Variants in MYH7 observed in about 807,000 individuals in gnomAD.
MYH7 encodes myosin-7.
MYH7 carries 129 observed loss-of-function variants against 225.4 expected under a neutral mutation model. The observed-to-expected ratio is 0.57, with a 90% confidence interval of 0.50 to 0.66. The LOEUF (loss-of-function observed/expected upper bound fraction) is 0.66, where lower values mean the gene tolerates loss of function less well. Among genes scored for constraint, MYH7 ranks in the 30% least tolerant of loss-of-function variants. MYH7 has a pLI of 0.00. For missense variants in MYH7, 1,649 were observed against 2,517.0 expected, an observed-to-expected ratio of 0.66 and a Z score of 7.38; for synonymous variants, 971 against 1,007.6, an observed-to-expected ratio of 0.96 and a Z score of 0.69.
At position 23,433,857 on chromosome 14, in the gene MYH7, G is replaced by A; in HGVS notation, c.-8-117C>T. 9.9e-7 allele frequency: 1 copy of A among 1,008,152 alleles called. No individual in the cohort carries two copies. Among genetic ancestry groups the A allele is most frequent in the Non-Finnish European group, 1.5e-6 (1 of 665,570 alleles). The allele number at this position is 1,008,152 out of a possible 1,614,324, so 62.5% of individuals were successfully genotyped here. A position where few individuals can be genotyped will look rare whatever the true frequency, so the allele number is the denominator to read the frequency against. On this transcript the variant is annotated intron_variant, in intron 2 of 39. Transcript: ENST00000355349. The surrounding 1 kb of genome is among the most constrained non-coding windows in gnomAD (Gnocchi z 4.1). ...GCACCATGCTCAAGAGTCAAGAGGA[G>A]TTACCAGTGAGTCCCTTCCTCTTTG...
intron 6 of MYH7, 36 bp from the exon 7 acceptor site, chr14:23,431,905 A>T: frequency 6.3e-7 from 1 of 1,596,420 alleles, no homozygotes. Context: ...AGTGAACAAT[A>T]CTACTGGAGA....
In MYH7 at chr14:23,429,784, C is replaced by T. The variant is rs773599095; in HGVS notation, c.1129G>A (p.Gly377Ser). The T allele has an allele frequency of 1.7e-5, 28 of 1,612,646 alleles. No homozygotes were observed. The highest frequency in any genetic ancestry group is 1.6e-4 in the South Asian group (15 of 91,002). ...AATCCCTGCCTCCCACCTTCAGTGC[C>T]GTCTGGCTCCGCCTGCTCCTCCCGC... Reference protein sequence around the residue: ...KQREEQAEPDGTEEADKSAYL... With the variant: ...KQREEQAEPDSTEEADKSAYL... The change falls in exon 12 of 40, where the codon GGC becomes AGC. Residue 377 changes from glycine (G) to serine (S), a missense_variant. Gly to Ser is a moderately conservative substitution (Grantham distance 56, BLOSUM62 0). Around this residue, in one of 12 missense-constraint regions of MYH7, gnomAD observed 131 missense variants for 231.3 expected, o/e 0.57. Coordinates refer to ENST00000355349, the MANE Select transcript of MYH7 (RefSeq NM_000257.4).
At chr14:23,432,422 G>T in intron 6 of MYH7, 57 bp downstream of exon 6, 1 of 1,606,200 alleles carries the variant, frequency 6.2e-7, no homozygotes, top group Non-Finnish European at 8.5e-7. Context: ...ACCTGATGGG[G>T]CTGGAGGCTG....
In MYH7 at chr14:23,426,780, G is replaced by A. The variant is rs1566533236; in HGVS notation, c.2041C>T (p.Pro681Ser). 6.2e-7 allele frequency: 1 copy of A among 1,614,136 alleles called. No individual in the cohort carries two copies. The highest frequency in any genetic ancestry group is 8.5e-7 in the Non-Finnish European group (1 of 1,179,984). Residue 681 changes from proline to serine, a missense_variant, in exon 18 of 40, where the codon CCA becomes TCA. By Grantham distance (74) the Pro-to-Ser change is moderately conservative. Transcript: ENST00000355349. Reference sequence around the variant, plus strand: ...TGGCCTGAGTTTGTGGCCTCACCTGGAGACTTTGTCTCATTAGGGATGATA... The same window carrying A: ...TGGCCTGAGTTTGTGGCCTCACCTGAAGACTTTGTCTCATTAGGGATGATA... The part of the protein sequence containing the change: ...RCIIPNETKS[P>S]GVMDNPLVMH...
rs1231491268 is a variant in MYH7, at chr14:23,429,928, CA to C, written c.1000-16del. 1 of 1,613,684 alleles carries C rather than the reference CA, an allele frequency of 6.2e-7. No individual in the cohort carries two copies. Among genetic ancestry groups the C allele is most frequent in the Non-Finnish European group, 8.5e-7 (1 of 1,179,998 alleles). On this transcript the variant is annotated splice_polypyrimidine_tract_variant and intron_variant, in intron 11 of 39. Coordinates refer to ENST00000355349, the MANE Select transcript of MYH7 (RefSeq NM_000257.4). ...TCAAAAGCGTTCTGTAGGGAGGCCC[CA>C]TATTGGCGGACCCCAGAAAAAGAAG...
Position 23,433,249 on chromosome 14 carries a change from C to G in MYH7, c.202-22G>C. ...CTGTCTGCAAGAGCCCCCACCCAAG[C>G]CCTCCTGTCAGCCTGGGCTTTCCCT... is the stretch of plus-strand genomic sequence containing the variant. On this transcript the variant is annotated intron_variant, in intron 3 of 39. Coordinates refer to ENST00000355349, the MANE Select transcript of MYH7 (RefSeq NM_000257.4). This position sits in a 1 kb window ranked among gnomAD's most constrained non-coding sequence, Gnocchi z 4.1. 6.2e-7 allele frequency: 1 copy of G among 1,614,142 alleles called. No homozygotes were observed. The highest frequency in any genetic ancestry group is 8.5e-7 in the Non-Finnish European group (1 of 1,180,010).
Position 23,423,524 on chromosome 14 carries a change from C to T in MYH7, c.3099+23G>A. On this transcript the variant is annotated intron_variant, in intron 24 of 39. Coordinates refer to ENST00000355349, the MANE Select transcript of MYH7 (RefSeq NM_000257.4). ...ACAGATAGACATGGCATATCTAGGCCCCACAACTCTCAATCTACTCACATC... is the reference window on the plus strand; with the variant it reads ...ACAGATAGACATGGCATATCTAGGCTCCACAACTCTCAATCTACTCACATC... 4 of 1,612,908 alleles carry T rather than the reference C, an allele frequency of 2.5e-6. No individual in the cohort carries two copies. In the South Asian group the frequency reaches 3.3e-5, roughly 13 times the overall value.
chr14:23,433,195 C>T lies in MYH7; in HGVS notation c.234G>A (p.Gln78=). The T allele has an allele frequency of 6.2e-7, 1 of 1,614,162 alleles. No homozygotes were observed. The change falls in exon 4 of 40, where the codon CAG becomes CAA. Residue 78 remains glutamine, a synonymous_variant. Coordinates refer to ENST00000355349, the MANE Select transcript of MYH7 (RefSeq NM_000257.4). This position sits in a 1 kb window ranked among gnomAD's most constrained non-coding sequence, Gnocchi z 4.1. ...TVTVKEDQVM[Q]QNPPKFDKIE... ...TTTTGTCGAACTTGGGTGGGTTCTG[C>T]TGCATCACCTGGTCCTCCTTCACGG...
Position 23,417,253 on chromosome 14 carries a change from C to T in MYH7, c.4419G>A (p.Glu1473=), listed in dbSNP as rs1892255907. The part of the protein sequence containing the change: ...SQSELESSQK[E]ARSLSTELFK... ...AGAGCTCTGTGCTGAGGGAGCGAGC[C>T]TCCTTCTGCGAGGACTCCAGCTCCG... Residue 1473 remains glutamate (E), a synonymous_variant, in exon 32 of 40, where the codon GAG becomes GAA. Coordinates refer to ENST00000355349, the MANE Select transcript of MYH7 (RefSeq NM_000257.4). 2 of 1,614,206 alleles carry T rather than the reference C, an allele frequency of 1.2e-6. No homozygotes were observed. The highest frequency in any genetic ancestry group is 1.7e-6 in the Non-Finnish European group (2 of 1,180,028).
At position 23,427,243 on chromosome 14, in the gene MYH7, G is replaced by A. The variant is rs765126240; in HGVS notation, c.1953C>T (p.His651=). The A allele has an allele frequency of 1.2e-6, 2 of 1,613,848 alleles. No individual in the cohort carries two copies. Among genetic ancestry groups the A allele is most frequent in the Non-Finnish European group, 1.7e-6 (2 of 1,180,028 alleles). ...GSSFQTVSAL[H]RENLNKLMTN... ...GCTGGGGCTGTGTCCCACTCACCCT[G>A]TGCAGAGCTGACACAGTCTGAAAGG... The change falls in exon 17 of 40, where the codon CAC becomes CAT. Residue 651 remains histidine (H), a synonymous_variant. Coordinates refer to ENST00000355349, the MANE Select transcript of MYH7 (RefSeq NM_000257.4).
chr14:23,426,743 C>T (rs745387941), intron 18 of MYH7, 34 bp downstream of exon 18: 1 of 1,591,676 alleles, frequency 6.3e-7, no homozygotes, highest in African/African-American at 1.3e-5. Flanking sequence ...CGGTGTATGC[C>T]CAGCAGTGGG....
chr14:23,431,734 C>T lies in MYH7; in HGVS notation c.639+27G>A, dbSNP rs1358002034. On this transcript the variant is annotated intron_variant, in intron 7 of 39. Transcript: ENST00000355349. ...CTCTTCTCCCTCCCTTTCTGCGGTA[C>T]AGGACCTTGGAGGGCAGCAGGCCTA... is the stretch of plus-strand genomic sequence containing the variant. 1.9e-6 allele frequency: 3 copies of T among 1,614,082 alleles called. No homozygotes were observed. In the South Asian group the frequency reaches 3.3e-5, roughly 18 times the overall value.
At chr14:23,417,787 A>G in intron 30 of MYH7, 101 bp from the exon 31 acceptor site, 1 of 1,476,074 alleles carries the variant, frequency 6.8e-7, no homozygotes, top group Non-Finnish European at 9.3e-7. Context: ...TTGAAACCTC[A>G]GAAGTGTAGC....
chr14:23,420,058 G>A lies in MYH7; in HGVS notation c.3513C>T (p.Phe1171=). 1 of 1,585,266 alleles carries A rather than the reference G, an allele frequency of 6.3e-7. No homozygotes were observed. Among genetic ancestry groups the A allele is most frequent in the South Asian group, 1.1e-5 (1 of 89,384 alleles). The change falls in exon 27 of 40, where the codon TTC becomes TTT. Residue 1171 remains phenylalanine (F), a synonymous_variant. Coordinates refer to ENST00000355349, the MANE Select transcript of MYH7 (RefSeq NM_000257.4). ...CCTCCAGGTCCCGCCGCATCTTCTGGAACTCGGCCTCGCGCTTCTTGTTCA... is the reference window on the plus strand; with the variant it reads ...CCTCCAGGTCCCGCCGCATCTTCTGAAACTCGGCCTCGCGCTTCTTGTTCA... ...IEMNKKREAE[F]QKMRRDLEEA...
chr14:23,426,089 A>G lies in MYH7; in HGVS notation c.2045-8T>C. The G allele has an allele frequency of 1.2e-6, 2 of 1,614,046 alleles. No homozygotes were observed. The highest frequency in any genetic ancestry group is 1.7e-6 in the Non-Finnish European group (2 of 1,179,960). ...GGGGGTTGTCCATCACCCCTGTGGC[A>G]AGAAGGAAGTAGGAGGAGTCTGTGA... On this transcript the variant is annotated splice_polypyrimidine_tract_variant and splice_region_variant and intron_variant, in intron 18 of 39. Transcript: ENST00000355349.
intron 9 of MYH7, 73 bp downstream of exon 9, chr14:23,431,345 G>A: frequency 2.1e-6 from 3 of 1,443,550 alleles, no homozygotes; most frequent in Non-Finnish European, 2.9e-6. Flanking sequence ...AGGGGAGAGA[G>A]AGAGAGGTCA....
At chr14:23,435,230 CA>C (rs1893095024) in intron 1 of MYH7, among the ~76,000 whole-genome samples, 1 of 152,040 alleles carries the variant, frequency 6.6e-6, no homozygotes, top group African/African-American at 2.4e-5. Context: ...CCTTCTCCAC[CA>C]TTCTTTCTCC....
chr14:23,423,728 C>A lies in MYH7; in HGVS notation c.2923-5G>T. ...CTCCTCTGTCAGGTTTTTCACCTGC[C>A]GACCAAGAATCCCATCTCCTTTAGG... On this transcript the variant is annotated splice_polypyrimidine_tract_variant and splice_region_variant and intron_variant, in intron 23 of 39. Coordinates refer to ENST00000355349, the MANE Select transcript of MYH7 (RefSeq NM_000257.4). 6.2e-7 allele frequency: 1 copy of A among 1,614,028 alleles called. No individual in the cohort carries two copies. The highest frequency in any genetic ancestry group is 1.1e-5 in the South Asian group (1 of 91,078).
intron 28 of MYH7, 35 bp downstream of exon 28, chr14:23,419,448 T>C (rs761995891): frequency 7.4e-6 from 12 of 1,613,028 alleles, no homozygotes; most frequent in Non-Finnish European, 8.5e-6. Context: ...GGGGAGACTG[T>C]GGTGGGAACC....
Sources: allele counts gnomAD v4.1 joint callset (sites outside exome capture counted in the v4.1 genomes callset), GRCh38; gene constraint gnomAD v4.1.1; regional missense constraint gnomAD v4.1.1; non-coding constraint Gnocchi (gnomAD v3.1); transcripts MANE v1.5; gene names NCBI Gene and HGNC (gene_info 2026-07-23, HGNC 2026-07-21).